LAMC2: variants seen among roughly 807,000 people sequenced by gnomAD.
LAMC2 encodes laminin subunit gamma 2.
In LAMC2, 97 loss-of-function variants were observed where a neutral mutation model predicts 140.2. That is an observed-to-expected ratio of 0.69 (90% CI 0.59 to 0.82). The LOEUF (loss-of-function observed/expected upper bound fraction) is 0.82, where lower values mean the gene tolerates loss of function less well. Among genes scored for constraint, LAMC2 ranks in the 40% least tolerant of loss-of-function variants. The pLI, the probability that LAMC2 is intolerant of heterozygous loss-of-function variation, is 0.00. For missense variants in LAMC2, 1,402 were observed against 1,476.1 expected (o/e 0.95, Z 0.82); for synonymous variants, 513 against 540.2 (o/e 0.95, Z 0.70).
chr1:183,191,858 C>CA (rs5779158), intron 1 of LAMC2, among the ~76,000 whole-genome samples: 85,817 of 148,212 alleles, frequency 0.58, 25,158 homozygotes, highest in East Asian at 0.72. Flanking sequence ...GATTCCATAT[C>CA]AAAAAAAAAA....
At chr1:183,235,853 G>C (rs1357027913) in intron 16 of LAMC2, 123 bp downstream of exon 16, 1 of 953,980 alleles carries the variant, frequency 1.0e-6, no homozygotes, top group East Asian at 2.6e-5. Flanking sequence ...ATAATAAGAG[G>C]GCCGAAATCA....
At position 183,240,985 on chromosome 1, in the gene LAMC2, C is replaced by T. The variant is rs181892404; in HGVS notation, c.3328+594C>T. On this transcript the variant is annotated intron_variant, in intron 22 of 22. Coordinates refer to ENST00000264144, the MANE Select transcript of LAMC2 (RefSeq NM_005562.3). ...CTTGCCGGCCGGGTGTGGTGGCTCA[C>T]GCCTGTAATTCTAGCACTTTGGGAG... 18 of 156,848 alleles carry T rather than the reference C, an allele frequency of 1.1e-4. 1 individual carries two copies. Among genetic ancestry groups the T allele is most frequent in the Non-Finnish European group, 2.0e-4 (14 of 71,348 alleles). The allele number at this position is 156,848 out of a possible 1,614,324, so 9.7% of individuals were successfully genotyped here.
chr1:183,234,068 GA>G (rs1659876804), intron 14 of LAMC2, among the ~76,000 whole-genome samples: 1 of 151,902 alleles, frequency 6.6e-6, no homozygotes, highest in Non-Finnish European at 1.5e-5. Context: ...TGCATTTTTA[GA>G]AGGGACGGGG....
At chr1:183,186,686 G>A (rs1379162595) in intron 1 of LAMC2, among the ~76,000 whole-genome samples, 1 of 152,138 alleles carries the variant, frequency 6.6e-6, no homozygotes, top group African/African-American at 2.4e-5. Flanking sequence ...CCTTAAAAAT[G>A]TTCCTTCTTG....
In LAMC2 at chr1:183,228,189, A is replaced by G. The variant is rs1248526406; in HGVS notation, c.1469-185A>G. 6.6e-6 allele frequency among the ~76,000 whole-genome samples: 1 copy of G among 152,194 alleles called. No individual in the cohort carries two copies. The highest frequency in any genetic ancestry group is 1.9e-4 in the East Asian group (1 of 5,184). ...GGCGCTACTGTGTTCTGCAACCTGC[A>G]GTGGGCATGGAGAGAGAGGGCCAGC... On this transcript the variant is annotated intron_variant, in intron 10 of 22. Transcript: ENST00000264144. The surrounding 1 kb of genome is among the most constrained non-coding windows in gnomAD (Gnocchi z 4.3).
rs962211134 is a variant in LAMC2, at chr1:183,228,172, T to C, written c.1469-202T>C. ...TAGTTAAGCCTCCTAGTGGCGCTAC[T>C]GTGTTCTGCAACCTGCAGTGGGCAT... is the stretch of plus-strand genomic sequence containing the variant. On this transcript the variant is annotated intron_variant, in intron 10 of 22. Transcript: ENST00000264144. This position sits in a 1 kb window ranked among gnomAD's most constrained non-coding sequence, Gnocchi z 4.3. Among the ~76,000 whole-genome samples the C allele has an allele frequency of 6.6e-6, 1 of 152,198 alleles. No individual in the cohort carries two copies. The highest frequency in any genetic ancestry group is 1.9e-4 in the East Asian group (1 of 5,180).
chr1:183,227,823 T>G, intron 10 of LAMC2, 126 bp downstream of exon 10: 1 of 859,374 alleles, frequency 1.2e-6, no homozygotes, highest in East Asian at 2.6e-5. Context: ...CCAAATGTGC[T>G]CACTCTAAAG....
At chr1:183,204,858 T>A (rs1397008266) in intron 1 of LAMC2, among the ~76,000 whole-genome samples, 2 of 152,134 alleles carry the variant, frequency 1.3e-5, no homozygotes, top group Non-Finnish European at 2.9e-5. Flanking sequence ...ATTTTGCTCT[T>A]GTCACCCACA....
intron 12 of LAMC2, 81 bp downstream of exon 12, chr1:183,231,184 T>TAGGA: frequency 6.6e-7 from 1 of 1,516,284 alleles, no homozygotes; most frequent in Admixed American, 1.7e-5. Context: ...GTCACAGATC[T>TAGGA]AGGACACTCC....
chr1:183,258,965 C>T, the LAMC2 span, among the ~76,000 whole-genome samples: 2 of 152,160 alleles, frequency 1.3e-5, no homozygotes, highest in Non-Finnish European at 2.9e-5. Context: ...TCTGGTCTCC[C>T]GCACAGCCGG....
chr1:183,250,369 C>G, the LAMC2 span: 3 of 152,202 alleles, frequency 2.0e-5, no homozygotes, highest in African/African-American at 7.2e-5. Context: ...CTAACAGTGG[C>G]CTTCCTTACT....
chr1:183,246,920 A>G (rs934603283), downstream of LAMC2, among the ~76,000 whole-genome samples: 2 of 152,278 alleles, frequency 1.3e-5, no homozygotes, highest in African/African-American at 4.8e-5. Flanking sequence ...CATATAGGTC[A>G]TAAGGGAAGA....
chr1:183,252,891 C>G, the LAMC2 span: 1 of 608,020 alleles, frequency 1.6e-6, no homozygotes. Flanking sequence ...CCTCTTGCCT[C>G]CACAACTCCT....
At chr1:183,198,301 C>T (rs1328725193) in intron 1 of LAMC2, among the ~76,000 whole-genome samples, 1 of 151,794 alleles carries the variant, frequency 6.6e-6, no homozygotes, top group Non-Finnish European at 1.5e-5. Flanking sequence ...GCCACCACAC[C>T]CGGCTAATTT....
At chr1:183,246,663 C>A (rs75394497), downstream of LAMC2, among the ~76,000 whole-genome samples, 25,738 of 152,156 alleles carry the variant, frequency 0.17, 2,220 homozygotes, top group East Asian at 0.27. Context: ...TTCTCTCAGC[C>A]TCTTGGGAGG....
intron 16 of LAMC2, 147 bp downstream of exon 16, chr1:183,235,877 T>C (rs1490811606): frequency 2.5e-6 from 2 of 788,010 alleles, no homozygotes; most frequent in African/African-American, 1.8e-5. Flanking sequence ...GAGTTTTACT[T>C]TGGGGAAAAG....
intron 1 of LAMC2, among the ~76,000 whole-genome samples, chr1:183,195,192 G>A (rs996820810): frequency 6.6e-6 from 1 of 152,182 alleles, no homozygotes; most frequent in African/African-American, 2.4e-5. Context: ...GGGCACTGGT[G>A]TCCCAGTGGA....
At chr1:183,205,103 G>A (rs539756988) in intron 1 of LAMC2, among the ~76,000 whole-genome samples, 5 of 152,326 alleles carry the variant, frequency 3.3e-5, no homozygotes, top group East Asian at 3.9e-4. Flanking sequence ...GATTACAGGC[G>A]TGAACCACTG....
Position 183,243,293 on chromosome 1 carries a change from C to A in LAMC2, c.3475C>A (p.Leu1159Met). ...TCAGCAGAGGGGCCACCTCCATTTG[C>A]TGGAGACAAGCATAGATGGGATTCT... ...ARQQRGHLHL[L>M]ETSIDGILAD... is the part of the protein sequence containing the mutation. The change falls in exon 23 of 23, where the codon CTG becomes ATG. Residue 1159 changes from leucine to methionine, a missense_variant. Transcript: ENST00000264144. 1 of 1,614,174 alleles carries A rather than the reference C, an allele frequency of 6.2e-7. No homozygotes were observed.
Sources: allele counts gnomAD v4.1 joint callset (sites outside exome capture counted in the v4.1 genomes callset), GRCh38; gene constraint gnomAD v4.1.1; non-coding constraint Gnocchi (gnomAD v3.1); transcripts MANE v1.5; gene names NCBI Gene and HGNC (gene_info 2026-07-23, HGNC 2026-07-21).